The following VPS13A variants were observed in gnomAD, a reference collection of about 807,000 sequenced individuals.
VPS13A encodes the protein intermembrane lipid transfer protein VPS13A.
In VPS13A, 264 loss-of-function variants were observed where a neutral mutation model predicts 390.9. The ratio of observed to expected loss-of-function variants is 0.68; its 90% CI spans 0.61 to 0.75. The LOEUF (loss-of-function observed/expected upper bound fraction) is 0.75. VPS13A is among the 30% of genes least tolerant of loss of function. VPS13A has a pLI of 0.00. For missense variants in VPS13A, 3,409 were observed against 3,733.9 expected (o/e 0.91, Z 2.27); for synonymous variants, 1,231 against 1,227.1 (o/e 1.00, Z -0.07).
chr9:77,290,555 G>C (rs1827590653), intron 31 of VPS13A, among the ~76,000 whole-genome samples: 1 of 144,880 alleles, frequency 6.9e-6, no homozygotes, highest in South Asian at 2.2e-4. Flanking sequence ...TCCTCTTCTT[G>C]AATTCCTGAA....
chr9:77,363,116 G>A (rs188320931), intron 59 of VPS13A, among the ~76,000 whole-genome samples: 27 of 152,106 alleles, frequency 1.8e-4, no homozygotes, highest in African/African-American at 6.3e-4. Flanking sequence ...TTCCCTAGTT[G>A]TTGTGTCTAG....
chr9:77,398,993 A>T (rs1200870876), intron 68 of VPS13A, among the ~76,000 whole-genome samples: 1 of 115,934 alleles, frequency 8.6e-6, no homozygotes, highest in Admixed American at 1.0e-4. Flanking sequence ...CAGGAAGGGG[A>T]ATATCACACT....
rs1438574418 is a variant in VPS13A, at chr9:77,345,031, T to A, written c.7178T>A (p.Val2393Glu). 1 of 1,612,700 alleles carries A rather than the reference T, an allele frequency of 6.2e-7. No individual in the cohort carries two copies. Among genetic ancestry groups the A allele is most frequent in the Non-Finnish European group, 8.5e-7 (1 of 1,179,866 alleles). Residue 2393 changes from valine to glutamate, a missense_variant, in exon 52 of 72, where the codon GTG (valine) becomes GAG (glutamate). Coordinates refer to ENST00000360280, the MANE Select transcript of VPS13A (RefSeq NM_033305.3). ...DNELGGIIAE[V>E]NLAEHSTVIT... is the part of the protein sequence containing the mutation. Reference sequence around the variant, plus strand: ...TAGCTTGGAGGTATTATAGCAGAAGTGAATTTGGCCGAGCATTCTACAGTT... The same window carrying A: ...TAGCTTGGAGGTATTATAGCAGAAGAGAATTTGGCCGAGCATTCTACAGTT...
chr9:77,371,006 A>T lies in VPS13A; in HGVS notation c.8954-20A>T. On this transcript the variant is annotated intron_variant, in intron 66 of 71. Coordinates refer to ENST00000360280, the MANE Select transcript of VPS13A (RefSeq NM_033305.3). ...TTTCATTCTTGGATGCAATTGTCAA[A>T]AACTCTTTTTTCTTTCCAGGAGCTC... is the stretch of plus-strand genomic sequence containing the variant. 1 of 1,614,156 alleles carries T rather than the reference A, an allele frequency of 6.2e-7. No individual in the cohort carries two copies. The highest frequency in any genetic ancestry group is 8.5e-7 in the Non-Finnish European group (1 of 1,180,004).
chr9:77,255,013 A>AT (rs1363776571), intron 22 of VPS13A, among the ~76,000 whole-genome samples: 4 of 152,086 alleles, frequency 2.6e-5, no homozygotes, highest in East Asian at 1.9e-4. Flanking sequence ...TCTGTCTAGA[A>AT]TTTTTTAGCA....
intron 37 of VPS13A, 81 bp from the exon 38 acceptor site, chr9:77,315,170 TAA>T: frequency 8.2e-7 from 1 of 1,220,620 alleles, no homozygotes; most frequent in East Asian, 2.4e-5. Flanking sequence ...GTAAAAGAGA[TAA>T]GAGGTCTTTG....
Position 77,403,324 on chromosome 9 carries a change from A to T in VPS13A, c.9275+3A>T, listed in dbSNP as rs1176484736. ...GATATGCTAATGATAACCAGACGGTAACTTGCTTTCTTTCTCTTACGTAAT... is the reference window on the plus strand; with the variant it reads ...GATATGCTAATGATAACCAGACGGTTACTTGCTTTCTTTCTCTTACGTAAT... On this transcript the variant is annotated splice_donor_region_variant and intron_variant, in intron 69 of 71. Coordinates refer to ENST00000360280, the MANE Select transcript of VPS13A (RefSeq NM_033305.3). 1 of 1,608,886 alleles carries T rather than the reference A, an allele frequency of 6.2e-7. No homozygotes were observed. Among genetic ancestry groups the T allele is most frequent in the South Asian group, 1.1e-5 (1 of 91,042 alleles).
At position 77,321,729 on chromosome 9, in the gene VPS13A, T is replaced by G. The variant is rs772519124; in HGVS notation, c.5813T>G (p.Leu1938Arg). 2 of 1,613,206 alleles carry G rather than the reference T, an allele frequency of 1.2e-6. No homozygotes were observed. Among genetic ancestry groups the G allele is most frequent in the Admixed American group, 1.7e-5 (1 of 59,942 alleles). ...FNAMTSLSSKLFFILLTPVNH... is the reference protein window; with the variant it reads ...FNAMTSLSSKRFFILLTPVNH... ...GCAATGACCAGCCTAAGCAGCAAAC[T>G]CTTCTTCATTCTTCTTAGTAAGTAG... The change falls in exon 44 of 72, where the codon CTC becomes CGC. Residue 1938 changes from leucine (L) to arginine (R), a missense_variant. Transcript: ENST00000360280.
At chr9:77,314,472 T>C (rs1157190222) in intron 36 of VPS13A, 23 bp from the exon 37 acceptor site, 1 of 1,606,564 alleles carries the variant, frequency 6.2e-7, no homozygotes, top group Admixed American at 1.7e-5. Context: ...TTTGTAATTT[T>C]GTGTTGGTTT....
intron 1 of VPS13A, among the ~76,000 whole-genome samples, chr9:77,191,976 G>A (rs1440068440): frequency 6.6e-6 from 1 of 152,158 alleles, no homozygotes; most frequent in African/African-American, 2.4e-5. Flanking sequence ...TTGTGTGGTT[G>A]TGCAAGTCTC....
intron 19 of VPS13A, among the ~76,000 whole-genome samples, chr9:77,241,417 C>T (rs1283649943): frequency 3.4e-5 from 5 of 145,508 alleles, no homozygotes; most frequent in South Asian, 2.2e-4. Flanking sequence ...GTATTTCCCA[C>T]GGATATCTTT....
intron 35 of VPS13A, among the ~76,000 whole-genome samples, chr9:77,311,126 G>C (rs1402874964): frequency 6.6e-6 from 1 of 151,934 alleles, no homozygotes; most frequent in African/African-American, 2.4e-5. Flanking sequence ...GGGTTTCACT[G>C]TGTTACCCAG....
intron 24 of VPS13A, among the ~76,000 whole-genome samples, 197 bp from the exon 25 acceptor site, chr9:77,275,301 A>C (rs1279389633): frequency 6.6e-6 from 1 of 152,180 alleles, no homozygotes; most frequent in Non-Finnish European, 1.5e-5. Context: ...TTAAAAGTAG[A>C]GTATCCCTTT....
rs765059549 is a variant in VPS13A at position 77,345,088 on chromosome 9, C to G, written c.7235C>G (p.Ala2412Gly). 6.2e-7 allele frequency: 1 copy of G among 1,613,206 alleles called. No individual in the cohort carries two copies. Among genetic ancestry groups the G allele is most frequent in the South Asian group, 1.1e-5 (1 of 91,072 alleles). ...ITFLDYHDGAATFLLINHTKN... is the reference protein window; with the variant it reads ...ITFLDYHDGAGTFLLINHTKN... Reference sequence around the variant, plus strand: ...TTTTTAGATTATCATGATGGAGCAGCTACATTCCTCTTAATAAATCACACA... The same window carrying G: ...TTTTTAGATTATCATGATGGAGCAGGTACATTCCTCTTAATAAATCACACA... Residue 2412 changes from alanine (A) to glycine (G), a missense_variant, in exon 52 of 72, where the codon GCT becomes GGT. Ala to Gly is a moderately conservative substitution (Grantham distance 60, BLOSUM62 0). This residue lies in a region of VPS13A where 2,717 missense variants were observed against 2,917.4 expected (regional missense o/e 0.93). Transcript: ENST00000360280.
chr9:77,256,299 A>G lies in VPS13A; in HGVS notation c.2289-3787A>G, dbSNP rs576285578. ...AAATTTCTATACACTTGTGACTTCT[A>G]CACTTTTTCCTTCTACTCTTGCATT... On this transcript the variant is annotated intron_variant, in intron 22 of 71. Transcript: ENST00000360280. Among the ~76,000 whole-genome samples the G allele has an allele frequency of 2.9e-4, 44 of 152,138 alleles. No individual in the cohort carries two copies. The South Asian group carries it at 8.1e-3, about 28-fold the overall frequency.
chr9:77,271,394 GGT>G (rs979869870), intron 23 of VPS13A, among the ~76,000 whole-genome samples: 5 of 152,050 alleles, frequency 3.3e-5, no homozygotes, highest in Non-Finnish European at 7.4e-5. Flanking sequence ...AATTTAGTTT[GGT>G]AGTTTTTAAA....
chr9:77,356,823 TCTC>T lies in VPS13A; in HGVS notation c.7765_7767del (p.Pro2589del), dbSNP rs751273031. 1.5e-5 allele frequency: 24 copies of T among 1,613,892 alleles called. No homozygotes were observed. The highest frequency in any genetic ancestry group is 1.7e-4 in the Middle Eastern group (1 of 6,052). On this transcript the variant is annotated inframe_deletion, in exon 55 of 72. Transcript: ENST00000360280. ...AGAATTTAAGGAATATACTGAATCT[TCTC>T]CTTCAGAAGATAAGGTTATTCAGTT... is the stretch of plus-strand genomic sequence containing the variant.
chr9:77,318,767 G>A (rs1244133358), intron 41 of VPS13A, among the ~76,000 whole-genome samples, 176 bp downstream of exon 41: 1 of 152,024 alleles, frequency 6.6e-6, no homozygotes, highest in Non-Finnish European at 1.5e-5. Context: ...TTGAATAATT[G>A]CTTTTATGTA....
At chr9:77,256,026 C>T (rs1458598553) in intron 22 of VPS13A, among the ~76,000 whole-genome samples, 1 of 150,722 alleles carries the variant, frequency 6.6e-6, no homozygotes, top group African/African-American at 2.4e-5. Flanking sequence ...TTTTTTATTT[C>T]GGGTAGCTTT....
Sources: allele counts gnomAD v4.1 joint callset (sites outside exome capture counted in the v4.1 genomes callset), GRCh38; gene constraint gnomAD v4.1.1; regional missense constraint gnomAD v4.1.1; transcripts MANE v1.5; gene names NCBI Gene and HGNC (gene_info 2026-07-23, HGNC 2026-07-21).